The following DGKG variants were observed in gnomAD, a reference collection of about 807,000 sequenced individuals.
DGKG encodes the protein diacylglycerol kinase gamma.
DGKG carries 78 observed loss-of-function variants against 105.3 expected under a neutral mutation model. The observed-to-expected ratio is 0.74, with a 90% CI of 0.62 to 0.89. The LOEUF (loss-of-function observed/expected upper bound fraction) is 0.89. DGKG is among the 40% of genes least tolerant of loss of function. DGKG has a pLI of 0.00. For missense variants in DGKG, 958 were observed against 1,020.1 expected (o/e 0.94, Z 0.83); for synonymous variants, 346 against 367.1 (o/e 0.94, Z 0.66).
intron 20 of DGKG, among the ~76,000 whole-genome samples, chr3:186,213,617 C>T (rs893691732): frequency 1.3e-5 from 2 of 152,154 alleles, no homozygotes; most frequent in African/African-American, 4.8e-5. Flanking sequence ...GATCTGGAGA[C>T]TATGCCTGTG....
At chr3:186,346,203 C>T (rs961025062) in intron 1 of DGKG, among the ~76,000 whole-genome samples, 3 of 152,226 alleles carry the variant, frequency 2.0e-5, no homozygotes, top group Admixed American at 6.5e-5. Context: ...ATACTCTGCT[C>T]ATTAATTGCA....
intron 5 of DGKG, among the ~76,000 whole-genome samples, chr3:186,292,723 G>A (rs942878815): frequency 6.6e-6 from 1 of 152,092 alleles, no homozygotes; most frequent in Admixed American, 6.5e-5. Flanking sequence ...GAACGCGGGA[G>A]GCAGAGGTCG....
chr3:186,208,895 T>G (rs1394331663), intron 21 of DGKG, among the ~76,000 whole-genome samples: 1 of 152,204 alleles, frequency 6.6e-6, no homozygotes, highest in African/African-American at 2.4e-5. Flanking sequence ...CTAAAAGACC[T>G]GGAATCTTCT....
chr3:186,274,181 T>G (rs6778003), intron 10 of DGKG, among the ~76,000 whole-genome samples: 101,185 of 151,740 alleles, frequency 0.67, 34,380 homozygotes, highest in Admixed American at 0.73. Context: ...AAAATGCTTT[T>G]TTTGTTTGTT....
chr3:186,171,629 A>G (rs1241593051), intron 22 of DGKG, among the ~76,000 whole-genome samples: 2 of 152,218 alleles, frequency 1.3e-5, no homozygotes, highest in Non-Finnish European at 2.9e-5. Flanking sequence ...CAGTACAGGC[A>G]TAACCATCCA....
At chr3:186,235,844 T>C (rs1720393363) in intron 20 of DGKG, among the ~76,000 whole-genome samples, 1 of 152,178 alleles carries the variant, frequency 6.6e-6, no homozygotes, top group Admixed American at 6.5e-5. Flanking sequence ...CCCCAGCATC[T>C]GACCACAGGG....
intron 24 of DGKG, among the ~76,000 whole-genome samples, chr3:186,154,216 T>C (rs58549367): frequency 0.01 from 1,538 of 152,262 alleles, 34 homozygotes; most frequent in African/African-American, 0.035. Context: ...TTTTAAAAGT[T>C]AAAGAAATAT....
At chr3:186,251,738 G>C in intron 19 of DGKG, 21 bp downstream of exon 19, 1 of 1,613,934 alleles carries the variant, frequency 6.2e-7, no homozygotes, top group Non-Finnish European at 8.5e-7. Context: ...CATACAGAAA[G>C]GTGATCTTTG....
At chr3:186,264,519 A>C (rs1721950727) in intron 14 of DGKG, among the ~76,000 whole-genome samples, 1 of 152,186 alleles carries the variant, frequency 6.6e-6, no homozygotes, top group Admixed American at 6.5e-5. Flanking sequence ...CCGCCTCAGC[A>C]TCCCAAACTG....
At chr3:186,241,292 C>T (rs1720673792) in intron 20 of DGKG, among the ~76,000 whole-genome samples, 1 of 151,610 alleles carries the variant, frequency 6.6e-6, no homozygotes, top group South Asian at 2.1e-4. Flanking sequence ...ACAATTCTTG[C>T]TTGTAATCCC....
At chr3:186,355,969 C>G (rs1287397192) in intron 1 of DGKG, among the ~76,000 whole-genome samples, 1 of 152,074 alleles carries the variant, frequency 6.6e-6, no homozygotes, top group East Asian at 1.9e-4. Context: ...TATGTCAGAC[C>G]AACAAAATTG....
intron 21 of DGKG, among the ~76,000 whole-genome samples, chr3:186,204,920 G>A (rs1262161560): frequency 6.6e-6 from 1 of 152,050 alleles, no homozygotes; most frequent in Non-Finnish European, 1.5e-5. Flanking sequence ...TCCTCGTCAC[G>A]GATAGTGGCT....
At chr3:186,323,361 T>C (rs948475534) in intron 1 of DGKG, among the ~76,000 whole-genome samples, 10 of 152,242 alleles carry the variant, frequency 6.6e-5, no homozygotes, top group African/African-American at 2.2e-4. Context: ...ATATGCTTTA[T>C]ATACATTATC....
intron 21 of DGKG, 121 bp downstream of exon 21, chr3:186,211,674 A>G: frequency 1.4e-6 from 1 of 718,670 alleles, no homozygotes; most frequent in South Asian, 1.6e-5. Flanking sequence ...GGATGGAGAA[A>G]CAACAGAGAC....
At chr3:186,182,409 CA>C (rs1451932589) in intron 22 of DGKG, among the ~76,000 whole-genome samples, 3 of 152,188 alleles carry the variant, frequency 2.0e-5, no homozygotes, top group Admixed American at 6.5e-5. Context: ...ACCCTCAAAA[CA>C]AGGCTGAGGG....
At chr3:186,333,624 CA>C (rs1484699102) in intron 1 of DGKG, among the ~76,000 whole-genome samples, 1 of 152,114 alleles carries the variant, frequency 6.6e-6, no homozygotes, top group African/African-American at 2.4e-5. Context: ...AGGCATAGAA[CA>C]GGTAAGATTT....
chr3:186,161,657 G>A lies in DGKG; in HGVS notation c.2223C>T (p.Asn741=). Residue 741 remains asparagine, a synonymous_variant, in exon 24 of 25, where the codon AAC becomes AAT. Transcript: ENST00000265022. ...AQCASVTIRT[N]KLLPMQVDGE... ...CATCCACTTGCATTGGCAGCAGCTT[G>A]TTTGTCCTGGAACCCAGAACACCAA... The A allele has an allele frequency of 2.5e-6, 4 of 1,614,224 alleles. No individual in the cohort carries two copies. Among genetic ancestry groups the A allele is most frequent in the Middle Eastern group, 1.6e-4 (1 of 6,062 alleles).
rs566267843 is a variant in DGKG, at chr3:186,209,360, C to G, written c.1917+2435G>C. Among the ~76,000 whole-genome samples, 351 of 152,140 alleles carry G rather than the reference C, an allele frequency of 2.3e-3. 2 individuals are homozygous for G. The highest frequency in any genetic ancestry group is 8.2e-3 in the African/African-American group (341 of 41,492). The stretch of plus-strand genomic sequence containing the variant: ...CTGGTGATCCACCCGCCTCGGCTTC[C>G]CAAAGTGCTGGGATTACAAGTGTGA... On this transcript the variant is annotated intron_variant, in intron 21 of 24. Coordinates refer to ENST00000265022, the MANE Select transcript of DGKG (RefSeq NM_001346.3).
rs555065623 is a variant in DGKG, at chr3:186,335,468, T to C, written c.-248-14761A>G. On this transcript the variant is annotated intron_variant, in intron 1 of 24. Coordinates refer to ENST00000265022, the MANE Select transcript of DGKG (RefSeq NM_001346.3). ...AATGTTAGACATAAACCCTTTACTC[T>C]TGCCACATGGTATCTCGTGCCACCA... Among the ~76,000 whole-genome samples the C allele has an allele frequency of 3.3e-5, 5 of 152,336 alleles. No individual in the cohort carries two copies. In the East Asian group the frequency reaches 9.6e-4, roughly 29 times the overall value.
Sources: gnomAD v4.1 joint callset for allele counts (sites outside exome capture counted in the v4.1 genomes callset) on GRCh38, gnomAD v4.1.1 for gene constraint, MANE v1.5 for transcripts, NCBI Gene and HGNC (gene_info 2026-07-23, HGNC 2026-07-21) for gene names.